Variants in GPT2 observed in about 807,000 individuals in gnomAD.
GPT2 encodes the protein alanine aminotransferase 2.
GPT2 carries 30 observed loss-of-function variants against 56.9 expected under a neutral mutation model. That is an observed-to-expected ratio of 0.53 (90% CI 0.39 to 0.72). The LOEUF is 0.72. Ranked by LOEUF, GPT2 falls within the 30% of genes least tolerant of loss-of-function variation. GPT2 has a pLI of 0.00. For missense variants in GPT2, 542 were observed against 703.4 expected (o/e 0.77, Z 2.60); for synonymous variants, 271 against 283.1 (o/e 0.96, Z 0.43).
chr16:46,884,764 C>T lies in GPT2; in HGVS notation c.49C>T (p.Pro17Ser). Residue 17 changes from proline to serine, a missense_variant, in exon 2 of 12, where the codon CCC becomes TCC. Physicochemically the swap from Pro to Ser is moderately conservative, Grantham distance 74. Transcript: ENST00000340124. ...CCGGCGGGGCTGTGGTCCCCGGACCCCCAGCTCCTGGGGCCGCAGCCAGAG... is the reference window on the plus strand; with the variant it reads ...CCGGCGGGGCTGTGGTCCCCGGACCTCCAGCTCCTGGGGCCGCAGCCAGAG... Reference protein sequence around the residue: ...LVRRGCGPRTPSSWGRSQSSA... With the variant: ...LVRRGCGPRTSSSWGRSQSSA... The T allele has an allele frequency of 6.7e-7, 1 of 1,482,310 alleles. No individual in the cohort carries two copies. The highest frequency in any genetic ancestry group is 9.0e-7 in the Non-Finnish European group (1 of 1,115,544). The allele number at this position is 1,482,310 out of a possible 1,614,324, so 91.8% of individuals were successfully genotyped here.
At chr16:46,926,820 C>T (rs1041678755) in intron 10 of GPT2, 105 bp from the exon 11 acceptor site, 20 of 665,200 alleles carry the variant, frequency 3.0e-5, no homozygotes, top group Non-Finnish European at 4.3e-5. Context: ...GAGAAGGGCA[C>T]TGCCGTGGGA....
chr16:46,903,811 A>G (rs1255235845), intron 4 of GPT2, among the ~76,000 whole-genome samples: 1 of 152,328 alleles, frequency 6.6e-6, no homozygotes, highest in East Asian at 1.9e-4. Context: ...TGTGCTCACA[A>G]AGCTATCAGA....
chr16:46,899,036 T>TA (rs1567335294), intron 3 of GPT2, among the ~76,000 whole-genome samples: 33 of 62,290 alleles, frequency 5.3e-4, no homozygotes, highest in African/African-American at 3.1e-3. Context: ...TATATATATA[T>TA]TTTTTTTTTT....
At chr16:46,916,983 A>G (rs749461558) in intron 7 of GPT2, among the ~76,000 whole-genome samples, 7 of 152,198 alleles carry the variant, frequency 4.6e-5, no homozygotes, top group Non-Finnish European at 8.8e-5. Flanking sequence ...GTGGGGTCAC[A>G]GGTACGCAGC....
At chr16:46,919,043 G>T (rs754297581) in intron 8 of GPT2, among the ~76,000 whole-genome samples, 4 of 152,222 alleles carry the variant, frequency 2.6e-5, no homozygotes, top group Non-Finnish European at 5.9e-5. Flanking sequence ...CACTTGTTCC[G>T]AGGTTGACTG....
chr16:46,893,841 C>T (rs1381589597), intron 2 of GPT2, among the ~76,000 whole-genome samples: 1 of 152,104 alleles, frequency 6.6e-6, no homozygotes, highest in Non-Finnish European at 1.5e-5. Flanking sequence ...CAGGATGCTG[C>T]GGCTCCTTAG....
chr16:46,919,625 G>C (rs115040426), intron 8 of GPT2, among the ~76,000 whole-genome samples: 90 of 152,318 alleles, frequency 5.9e-4, no homozygotes, highest in African/African-American at 2.1e-3. Context: ...GGAGACCTGA[G>C]AATTATAGGA....
At position 46,930,364 on chromosome 16, in the gene GPT2, AC is replaced by A. The variant is rs1961518576; in HGVS notation, c.*1371del. Reference sequence around the variant, plus strand: ...AGTTAGGGAAGCTCAGGAGCCTGGGACCCCGCATGTCCCAAAATGGGATTGG... The same window carrying A: ...AGTTAGGGAAGCTCAGGAGCCTGGGACCCGCATGTCCCAAAATGGGATTGG... On this transcript the variant is annotated 3_prime_UTR_variant, in exon 12 of 12. Coordinates refer to ENST00000340124, the MANE Select transcript of GPT2 (RefSeq NM_133443.4). 6.6e-6 allele frequency: 1 copy of A among 152,230 alleles called. No individual in the cohort carries two copies. The highest frequency in any genetic ancestry group is 6.6e-5 in the Admixed American group (1 of 15,264). 9.4% of individuals were successfully genotyped at this position (152,230 alleles called of 1,614,324 possible).
chr16:46,898,459 C>G (rs923029663), intron 3 of GPT2, among the ~76,000 whole-genome samples: 1 of 152,162 alleles, frequency 6.6e-6, no homozygotes, highest in African/African-American at 2.4e-5. Context: ...GTGGGAGATG[C>G]CCCAGGGCAG....
At chr16:46,894,122 A>G (rs1411945256) in intron 2 of GPT2, among the ~76,000 whole-genome samples, 2 of 152,228 alleles carry the variant, frequency 1.3e-5, no homozygotes, top group Non-Finnish European at 2.9e-5. Context: ...CAAAGTGTCC[A>G]GGATCTGCAG....
chr16:46,919,531 T>A (rs1961240753), intron 8 of GPT2, among the ~76,000 whole-genome samples: 1 of 152,186 alleles, frequency 6.6e-6, no homozygotes, highest in African/African-American at 2.4e-5. Flanking sequence ...GCAGCACACC[T>A]GCTGTGCTGG....
chr16:46,907,869 C>T (rs1451604909), intron 5 of GPT2, among the ~76,000 whole-genome samples: 5 of 149,578 alleles, frequency 3.3e-5, no homozygotes, highest in East Asian at 2.0e-4. Flanking sequence ...CCGATGGGGT[C>T]GGGGAGGGCT....
At chr16:46,890,796 C>T (rs939390387) in intron 2 of GPT2, among the ~76,000 whole-genome samples, 7 of 152,146 alleles carry the variant, frequency 4.6e-5, no homozygotes, top group Admixed American at 1.3e-4. Flanking sequence ...TGTGAGTGTG[C>T]GCCTGAGACA....
At chr16:46,899,035 A>ATT (rs1188592006) in intron 3 of GPT2, among the ~76,000 whole-genome samples, 32 of 77,186 alleles carry the variant, frequency 4.1e-4, no homozygotes, top group African/African-American at 2.8e-3. Context: ...ATATATATAT[A>ATT]TTTTTTTTTT....
intron 2 of GPT2, among the ~76,000 whole-genome samples, chr16:46,895,775 C>T (rs1157018386): frequency 6.6e-6 from 1 of 152,184 alleles, no homozygotes; most frequent in African/African-American, 2.4e-5. Context: ...TCAAGGGATC[C>T]TCCTGCCTTG....
chr16:46,922,494 TC>T, intron 9 of GPT2, 78 bp downstream of exon 9: 1 of 1,410,240 alleles, frequency 7.1e-7, no homozygotes, highest in East Asian at 2.3e-5. Context: ...CCAGCCTGTC[TC>T]CAGGTGGCCA....
At chr16:46,928,709 G>T (rs891950926) in intron 11 of GPT2, among the ~76,000 whole-genome samples, 198 bp from the exon 12 acceptor site, 1 of 152,108 alleles carries the variant, frequency 6.6e-6, no homozygotes, top group Non-Finnish European at 1.5e-5. Context: ...TTTTGTTCAC[G>T]TGTATTACTT....
chr16:46,924,305 G>A (rs1193902776), intron 9 of GPT2, 84 bp from the exon 10 acceptor site: 24 of 1,465,322 alleles, frequency 1.6e-5, no homozygotes, highest in African/African-American at 2.8e-5. Flanking sequence ...TGGGATTTCC[G>A]CAAGTGCTGC....
At chr16:46,920,915 A>C (rs1049119240) in intron 8 of GPT2, among the ~76,000 whole-genome samples, 10 of 152,060 alleles carry the variant, frequency 6.6e-5, no homozygotes, top group African/African-American at 2.4e-4. Context: ...CAGTGCCCTG[A>C]TGTTGGGATC....
Sources: allele counts gnomAD v4.1 joint callset (sites outside exome capture counted in the v4.1 genomes callset), GRCh38; gene constraint gnomAD v4.1.1; transcripts MANE v1.5; gene names NCBI Gene and HGNC (gene_info 2026-07-23, HGNC 2026-07-21).